METTL16: variants seen among roughly 807,000 people sequenced by gnomAD.
METTL16 encodes the protein methyltransferase 16, RNA N6-adenosine, also known as RNA N(6)-adenosine-methyltransferase METTL16.
A neutral mutation model predicts 57.9 loss-of-function variants in METTL16; 19 were observed. The ratio of observed to expected loss-of-function variants is 0.33; its 90% CI spans 0.23 to 0.48. The LOEUF (loss-of-function observed/expected upper bound fraction) is 0.48, where lower values mean the gene tolerates loss of function less well. Ranked by LOEUF, METTL16 falls within the 20% of genes least tolerant of loss-of-function variation. The pLI, the probability that METTL16 is intolerant of heterozygous loss-of-function variation, is 0.99. For synonymous variants in METTL16, 246 were observed against 255.6 expected, an observed-to-expected ratio of 0.96 and a Z score of 0.36; for missense variants, 434 against 691.5, an observed-to-expected ratio of 0.63 and a Z score of 4.18.
chr17:2,443,441 C>G (rs528627638), intron 6 of METTL16, among the ~76,000 whole-genome samples: 1 of 151,510 alleles, frequency 6.6e-6, no homozygotes, highest in Admixed American at 6.6e-5. Flanking sequence ...GAACACTTCC[C>G]CAACTCATCT....
Position 2,458,346 on chromosome 17 carries a change from G to C in METTL16, c.728+5862C>G, listed in dbSNP as rs144992130. Among the ~76,000 whole-genome samples, 16 of 151,810 alleles carry C rather than the reference G, an allele frequency of 1.1e-4. No homozygotes were observed. In the East Asian group the frequency reaches 2.1e-3, roughly 20 times the overall value. On this transcript the variant is annotated intron_variant, in intron 6 of 9. Transcript: ENST00000263092. ...ATTGCCATAAAGGGCATCAGTTATA[G>C]AACTGGTAACCAATGACAAGAGAGA...
At chr17:2,461,383 C>A (rs1299594738) in intron 6 of METTL16, among the ~76,000 whole-genome samples, 8 of 151,710 alleles carry the variant, frequency 5.3e-5, no homozygotes, top group Non-Finnish European at 5.9e-5. Flanking sequence ...AAAAAACAAA[C>A]AAACAAACAA....
At position 2,419,420 on chromosome 17, in the gene METTL16, C is replaced by G; in HGVS notation, c.*550G>C. Reference sequence around the variant, plus strand: ...CGGGTGGTCCCCAGACTCTGCTGCTCCTTCCCAGCATTACTAAGGTTTCTC... The same window carrying G: ...CGGGTGGTCCCCAGACTCTGCTGCTGCTTCCCAGCATTACTAAGGTTTCTC... On this transcript the variant is annotated 3_prime_UTR_variant, in exon 10 of 10. Transcript: ENST00000263092. 3.2e-6 allele frequency: 1 copy of G among 315,088 alleles called. No individual in the cohort carries two copies. The highest frequency in any genetic ancestry group is 8.6e-5 in the East Asian group (1 of 11,638). The allele number at this position is 315,088 out of a possible 1,614,324, so 19.5% of individuals were successfully genotyped here. A position where few individuals can be genotyped will look rare whatever the true frequency, so the allele number is the denominator to read the frequency against.
chr17:2,474,605 G>T (rs1321707269), intron 3 of METTL16, among the ~76,000 whole-genome samples: 2 of 152,102 alleles, frequency 1.3e-5, no homozygotes, highest in Non-Finnish European at 2.9e-5. Flanking sequence ...CGCTAGCCCT[G>T]GACTGGACTA....
intron 6 of METTL16, among the ~76,000 whole-genome samples, chr17:2,458,900 G>A (rs778227931): frequency 6.6e-6 from 1 of 151,814 alleles, no homozygotes; most frequent in Non-Finnish European, 1.5e-5. Flanking sequence ...TCGACCTCCT[G>A]GGCTCAAGCG....
At chr17:2,463,042 G>T (rs2067161727) in intron 6 of METTL16, among the ~76,000 whole-genome samples, 1 of 152,150 alleles carries the variant, frequency 6.6e-6, no homozygotes, top group African/African-American at 2.4e-5. Context: ...TTAATGACAG[G>T]TGTGTTGTCC....
chr17:2,437,748 C>T (rs186498235), intron 8 of METTL16, among the ~76,000 whole-genome samples: 4 of 152,290 alleles, frequency 2.6e-5, no homozygotes, highest in Admixed American at 2.6e-4. Flanking sequence ...CACAGTTTCA[C>T]CATGTTGGCC....
At chr17:2,426,728 C>CA (rs778818177) in intron 8 of METTL16, among the ~76,000 whole-genome samples, 2,196 of 32,076 alleles carry the variant, frequency 0.068, 71 homozygotes, top group Non-Finnish European at 0.1. Context: ...GACTCCGTCT[C>CA]AAAAAAAAAA....
chr17:2,453,291 G>A (rs149996369), intron 6 of METTL16, among the ~76,000 whole-genome samples: 5 of 152,246 alleles, frequency 3.3e-5, no homozygotes, highest in East Asian at 1.9e-4. Context: ...TATTCTCCCC[G>A]ATACAAGGCC....
intron 8 of METTL16, among the ~76,000 whole-genome samples, chr17:2,436,491 A>G (rs575381032): frequency 6.6e-6 from 1 of 152,124 alleles, no homozygotes; most frequent in East Asian, 1.9e-4. Context: ...ACATGTCTCT[A>G]CTCCTCTACC....
chr17:2,472,465 T>C (rs1204126603), intron 4 of METTL16, among the ~76,000 whole-genome samples: 1 of 152,196 alleles, frequency 6.6e-6, no homozygotes. Context: ...GTCAAAAACT[T>C]ACATGCACAG....
At chr17:2,443,765 C>T (rs996839919) in intron 6 of METTL16, among the ~76,000 whole-genome samples, 1 of 152,086 alleles carries the variant, frequency 6.6e-6, no homozygotes, top group African/African-American at 2.4e-5. Flanking sequence ...TCCCGAAGTG[C>T]GGGGATTACA....
chr17:2,480,206 A>G (rs2067295645), intron 2 of METTL16, among the ~76,000 whole-genome samples: 1 of 151,916 alleles, frequency 6.6e-6, no homozygotes, highest in Admixed American at 6.6e-5. Flanking sequence ...AAAAAAAGAA[A>G]AGAAAAGAAA....
intron 2 of METTL16, among the ~76,000 whole-genome samples, chr17:2,480,584 T>G (rs540254613): frequency 6.6e-6 from 1 of 152,330 alleles, no homozygotes; most frequent in African/African-American, 2.4e-5. Flanking sequence ...AAATGGTTAT[T>G]CCAGAATTGG....
chr17:2,430,950 T>A (rs370551817), intron 8 of METTL16, among the ~76,000 whole-genome samples: 52 of 151,664 alleles, frequency 3.4e-4, no homozygotes, highest in African/African-American at 7.8e-4. Context: ...TAATAATAAT[T>A]ATTATTATTT....
chr17:2,456,152 A>G (rs72805752), intron 6 of METTL16, among the ~76,000 whole-genome samples: 1 of 152,154 alleles, frequency 6.6e-6, no homozygotes, highest in Non-Finnish European at 1.5e-5. Context: ...TTTAATTGCA[A>G]AAACGCTGCA....
chr17:2,467,903 T>C (rs376339056), intron 4 of METTL16, 27 bp from the exon 5 acceptor site: 10 of 1,484,900 alleles, frequency 6.7e-6, no homozygotes, highest in Non-Finnish European at 9.4e-6. Context: ...GACTGTGAAC[T>C]AATATTAATG....
rs550237968 is a variant in METTL16, at chr17:2,432,366, A to G, written c.888+5743T>C. ...GTGGATCACTTGAGCCCAGGAGTTCAAGACCAACCTGGGCAACCTAGGGAG... is the reference window on the plus strand; with the variant it reads ...GTGGATCACTTGAGCCCAGGAGTTCGAGACCAACCTGGGCAACCTAGGGAG... On this transcript the variant is annotated intron_variant, in intron 8 of 9. Coordinates refer to ENST00000263092, the MANE Select transcript of METTL16 (RefSeq NM_024086.4). Among the ~76,000 whole-genome samples the G allele has an allele frequency of 1.1e-3, 169 of 152,254 alleles. 1 individual carries two copies. The highest frequency in any genetic ancestry group is 4.0e-3 in the African/African-American group (165 of 41,552).
intron 1 of METTL16, among the ~76,000 whole-genome samples, chr17:2,506,670 G>A (rs931402014): frequency 5.9e-5 from 9 of 152,250 alleles, no homozygotes; most frequent in South Asian, 2.1e-4. Flanking sequence ...CCTTGGCCCC[G>A]CAAAGTGCCG....
Sources: allele counts gnomAD v4.1 joint callset (sites outside exome capture counted in the v4.1 genomes callset), GRCh38; gene constraint gnomAD v4.1.1; transcripts MANE v1.5; gene names NCBI Gene and HGNC (gene_info 2026-07-23, HGNC 2026-07-21).